The following DRC11 variants were observed in gnomAD, a reference collection of about 807,000 sequenced individuals.
The protein encoded by DRC11 is IQ and AAA domain-containing protein 1.
At chr2:236,380,661 A>G in the DRC11 span, 1 of 1,510,390 alleles carries the variant, frequency 6.6e-7, no homozygotes, top group African/African-American at 1.4e-5. The surrounding 1 kb of genome is among the most constrained non-coding windows in gnomAD (Gnocchi z 4.9). Context: ...GAAATAACCA[A>G]CAATTTAGTC....
chr2:236,504,469 T>C, the DRC11 span, among the ~76,000 whole-genome samples: 1 of 151,998 alleles, frequency 6.6e-6, no homozygotes, highest in African/African-American at 2.4e-5. This position sits in a 1 kb window ranked among gnomAD's most constrained non-coding sequence, Gnocchi z 5.0. Flanking sequence ...GGCAAGGTGG[T>C]TTTCAAAGGT....
chr2:236,487,320 G>T, the DRC11 span, among the ~76,000 whole-genome samples: 2 of 152,162 alleles, frequency 1.3e-5, no homozygotes, highest in Admixed American at 1.3e-4. Context: ...AAACCCGAAA[G>T]AAAACAGACT....
chr2:236,460,189 G>T, the DRC11 span, among the ~76,000 whole-genome samples: 1 of 152,130 alleles, frequency 6.6e-6, no homozygotes, highest in Non-Finnish European at 1.5e-5. This position sits in a 1 kb window ranked among gnomAD's most constrained non-coding sequence, Gnocchi z 4.0. Flanking sequence ...TTCAAAAAGA[G>T]GCATTTTTAC....
the DRC11 span, among the ~76,000 whole-genome samples, chr2:236,416,768 T>TATATATATATATATATATATATATATAA: frequency 6.5e-5 from 6 of 92,962 alleles, 1 homozygote; most frequent in Non-Finnish European, 1.3e-4. Context: ...TATATATATA[T>TATATATATATATATATATATATATATAA]AAATAATTTT....
At chr2:236,324,035 C>T in the DRC11 span, 1 of 152,152 alleles carries the variant, frequency 6.6e-6, no homozygotes, top group Non-Finnish European at 1.5e-5. This position sits in a 1 kb window ranked among gnomAD's most constrained non-coding sequence, Gnocchi z 5.7. Context: ...GATGTCCAGG[C>T]TTCAATATTA....
At chr2:236,355,546 G>A in the DRC11 span, among the ~76,000 whole-genome samples, 1 of 152,210 alleles carries the variant, frequency 6.6e-6, no homozygotes, top group South Asian at 2.1e-4. Context: ...CATACCCGAG[G>A]CTGCACTGGA....
chr2:236,330,814 G>C, the DRC11 span, among the ~76,000 whole-genome samples: 1 of 152,162 alleles, frequency 6.6e-6, no homozygotes, highest in Non-Finnish European at 1.5e-5. This position sits in a 1 kb window ranked among gnomAD's most constrained non-coding sequence, Gnocchi z 5.5. Context: ...TATAAGAGAG[G>C]GTGTTGGGAG....
chr2:236,389,189 C>T, the DRC11 span, among the ~76,000 whole-genome samples: 1 of 152,236 alleles, frequency 6.6e-6, no homozygotes, highest in Non-Finnish European at 1.5e-5. Flanking sequence ...GTGGGCTCCA[C>T]CCAGTTCGAG....
chr2:236,491,250 A>G, the DRC11 span, among the ~76,000 whole-genome samples: 11 of 73,106 alleles, frequency 1.5e-4, 1 homozygote, highest in East Asian at 7.2e-4. Flanking sequence ...TACACAGTAT[A>G]TATATATATA....
At chr2:236,410,217 C>T in the DRC11 span, among the ~76,000 whole-genome samples, 8 of 151,374 alleles carry the variant, frequency 5.3e-5, no homozygotes, top group African/African-American at 7.3e-5. Flanking sequence ...TGGTAGAATT[C>T]GGCTGTGAAT....
the DRC11 span, among the ~76,000 whole-genome samples, chr2:236,491,042 T>C: frequency 7.2e-6 from 1 of 138,034 alleles, no homozygotes; most frequent in Non-Finnish European, 1.5e-5. Flanking sequence ...TATATATATA[T>C]ACAGTATATA....
the DRC11 span, chr2:236,380,669 G>A: frequency 6.8e-7 from 1 of 1,470,432 alleles, no homozygotes; most frequent in Admixed American, 2.0e-5. The surrounding 1 kb of genome is among the most constrained non-coding windows in gnomAD (Gnocchi z 4.9). Flanking sequence ...CAACAATTTA[G>A]TCAAAACAAG....
At chr2:236,489,621 G>A in the DRC11 span, among the ~76,000 whole-genome samples, 2 of 152,140 alleles carry the variant, frequency 1.3e-5, no homozygotes, top group African/African-American at 4.8e-5. Flanking sequence ...GATCACTGGA[G>A]TCAGAAAAGC....
At chr2:236,433,413 C>T in the DRC11 span, among the ~76,000 whole-genome samples, 7 of 152,252 alleles carry the variant, frequency 4.6e-5, no homozygotes, top group Non-Finnish European at 1.0e-4. Flanking sequence ...TCCATTTCTT[C>T]GCATCCCTCA....
chr2:236,393,635 G>C, the DRC11 span, among the ~76,000 whole-genome samples: 1 of 152,234 alleles, frequency 6.6e-6, no homozygotes, highest in Non-Finnish European at 1.5e-5. This position sits in a 1 kb window ranked among gnomAD's most constrained non-coding sequence, Gnocchi z 4.7. Context: ...AGAGGACCAG[G>C]AACTGGCAAA....
At chr2:236,418,197 TAA>T in the DRC11 span, among the ~76,000 whole-genome samples, 1 of 152,216 alleles carries the variant, frequency 6.6e-6, no homozygotes, top group South Asian at 2.1e-4. Flanking sequence ...ACCAACAGTG[TAA>T]AAGTGTTCCT....
At chr2:236,391,324 A>C in the DRC11 span, 2 of 152,348 alleles carry the variant, frequency 1.3e-5, no homozygotes, top group African/African-American at 4.8e-5. The surrounding 1 kb of genome is among the most constrained non-coding windows in gnomAD (Gnocchi z 4.5). Flanking sequence ...GAATCACAGA[A>C]AGAGTGGCTC....
chr2:236,469,159 A>G, the DRC11 span, among the ~76,000 whole-genome samples: 2 of 152,132 alleles, frequency 1.3e-5, no homozygotes, highest in Non-Finnish European at 2.9e-5. The surrounding 1 kb of genome is among the most constrained non-coding windows in gnomAD (Gnocchi z 5.8). Flanking sequence ...ATATTCCTGT[A>G]CCGCGTTTCT....
chr2:236,376,295 C>T, the DRC11 span, among the ~76,000 whole-genome samples: 20 of 152,246 alleles, frequency 1.3e-4, no homozygotes, highest in African/African-American at 2.9e-4. This position sits in a 1 kb window ranked among gnomAD's most constrained non-coding sequence, Gnocchi z 5.7. Context: ...CTGTTCCTGA[C>T]GGAAGGAATT....
Sources: gnomAD v4.1 joint callset for allele counts (sites outside exome capture counted in the v4.1 genomes callset) on GRCh38, gnomAD v4.1.1 for gene constraint, Gnocchi (gnomAD v3.1) non-coding constraint, MANE v1.5 for transcripts, NCBI Gene and HGNC (gene_info 2026-07-23, HGNC 2026-07-21) for gene names.